ANKFY1: variants seen among roughly 807,000 people sequenced by gnomAD.
ANKFY1 encodes ankyrin repeat and FYVE domain-containing protein 1.
Under a neutral mutation model 128.3 loss-of-function variants are expected in ANKFY1, and 47 were observed. The ratio of observed to expected loss-of-function variants is 0.37; its 90% CI spans 0.29 to 0.47. ANKFY1 has a LOEUF of 0.47. Ranked by LOEUF, ANKFY1 falls within the 20% of genes least tolerant of loss-of-function variation. The pLI, the probability that ANKFY1 is intolerant of heterozygous loss-of-function variation, is 1.00. For missense variants in ANKFY1, 1,222 were observed against 1,510.6 expected, an observed-to-expected ratio of 0.81 and a Z score of 3.17; for synonymous variants, 553 against 601.6, an observed-to-expected ratio of 0.92 and a Z score of 1.18.
intron 10 of ANKFY1, among the ~76,000 whole-genome samples, chr17:4,190,673 C>T (rs1400210812): frequency 6.6e-6 from 1 of 152,094 alleles, no homozygotes; most frequent in East Asian, 1.9e-4. Flanking sequence ...TAAATAAAAA[C>T]CTTGGAAAGA....
At chr17:4,195,686 C>T (rs1329147374) in intron 8 of ANKFY1, among the ~76,000 whole-genome samples, 1 of 152,122 alleles carries the variant, frequency 6.6e-6, no homozygotes, top group East Asian at 1.9e-4. Flanking sequence ...AGAATCAGCT[C>T]AAGGAAGTGA....
intron 7 of ANKFY1, among the ~76,000 whole-genome samples, chr17:4,199,879 C>T (rs1314422404): frequency 1.3e-5 from 2 of 152,058 alleles, no homozygotes; most frequent in Non-Finnish European, 2.9e-5. Flanking sequence ...ACGCAAACAC[C>T]ATGTATATAT....
chr17:4,208,123 G>A, intron 5 of ANKFY1, 41 bp from the exon 6 acceptor site: 3 of 1,551,258 alleles, frequency 1.9e-6, no homozygotes, highest in Admixed American at 3.9e-5. Flanking sequence ...ACAGACACAA[G>A]GCAATGAATC....
chr17:4,181,503 T>TA lies in ANKFY1; in HGVS notation c.2122-132dup. ...ATACGGTTGATAATAAATTGATAAT[T>TA]ACTTTAATCTGTATCACTCATTATT... On this transcript the variant is annotated intron_variant, in intron 15 of 24. Transcript: ENST00000341657. The surrounding 1 kb of genome is among the most constrained non-coding windows in gnomAD (Gnocchi z 4.9). The TA allele has an allele frequency of 3.0e-6, 2 of 673,086 alleles. No homozygotes were observed. The highest frequency in any genetic ancestry group is 3.6e-5 in the South Asian group (2 of 55,534). 41.7% of individuals were successfully genotyped at this position (673,086 alleles called of 1,614,324 possible). A position where few individuals can be genotyped will look rare whatever the true frequency, so the allele number is the denominator to read the frequency against.
chr17:4,195,210 C>A, intron 9 of ANKFY1, 33 bp from the exon 10 acceptor site: 1 of 1,570,828 alleles, frequency 6.4e-7, no homozygotes, highest in South Asian at 1.2e-5. Context: ...ACAGCACATA[C>A]AATCTTTTTG....
In ANKFY1 at chr17:4,185,006, G is replaced by A. The variant is rs1427076553; in HGVS notation, c.1511C>T (p.Ala504Val). The A allele has an allele frequency of 1.2e-6, 2 of 1,613,600 alleles. No homozygotes were observed. Among genetic ancestry groups the A allele is most frequent in the Non-Finnish European group, 1.7e-6 (2 of 1,179,970 alleles). ...PLHTACRHGL[A>V]NLTAELLQQG... is the part of the protein sequence containing the mutation. ...CTGCAGGAGCTCTGCCGTGAGGTTG[G>A]CCAGGCCATGCCGACACGCTGTGTG... is the stretch of plus-strand genomic sequence containing the variant. The change falls in exon 12 of 25, where the codon GCC (alanine) becomes GTC (valine). Residue 504 changes from alanine to valine, a missense_variant. By Grantham distance (64) the Ala-to-Val change is moderately conservative (BLOSUM62 0). Transcript: ENST00000341657.
intron 21 of ANKFY1, 152 bp downstream of exon 21, chr17:4,173,202 A>G (rs2143000682): frequency 1.5e-6 from 1 of 669,422 alleles, no homozygotes; most frequent in African/African-American, 1.8e-5. Flanking sequence ...TACCGGTACC[A>G]AAAGTACCAA....
At position 4,206,430 on chromosome 17, in the gene ANKFY1, G is replaced by A; in HGVS notation, c.789C>T (p.Ala263=). The part of the protein sequence containing the change: ...DHNGDLALDL[A]LSRRLESIAT... ...CAATACTCTCCAGTCGTCGTGAGAG[G>A]GCTAGATCTAATGCCAGATCTCCGT... Residue 263 remains alanine, a synonymous_variant, in exon 7 of 25, where the codon GCC becomes GCT. Coordinates refer to ENST00000341657, the MANE Select transcript of ANKFY1 (RefSeq NM_001330063.2). 6.2e-7 allele frequency: 1 copy of A among 1,614,052 alleles called. No individual in the cohort carries two copies. The highest frequency in any genetic ancestry group is 8.5e-7 in the Non-Finnish European group (1 of 1,179,984).
intron 1 of ANKFY1, among the ~76,000 whole-genome samples, chr17:4,259,566 G>A (rs1426786576): frequency 6.6e-6 from 1 of 152,236 alleles, no homozygotes; most frequent in African/African-American, 2.4e-5. Flanking sequence ...ACAGGCGTGA[G>A]CCACCGTGCC....
At chr17:4,210,383 G>A (rs1226529618) in intron 4 of ANKFY1, among the ~76,000 whole-genome samples, 2 of 152,134 alleles carry the variant, frequency 1.3e-5, no homozygotes, top group East Asian at 1.9e-4. Flanking sequence ...TTTCAAATAC[G>A]AGGCTCTATG....
At chr17:4,208,155 C>A (rs2060060161) in intron 5 of ANKFY1, 73 bp from the exon 6 acceptor site, 6 of 1,447,698 alleles carry the variant, frequency 4.1e-6, no homozygotes, top group East Asian at 2.5e-5. Context: ...TAGCAAGCCT[C>A]TCAAATGCAT....
At chr17:4,172,832 C>A in intron 21 of ANKFY1, 152 bp from the exon 22 acceptor site, 1 of 1,153,094 alleles carries the variant, frequency 8.7e-7, no homozygotes, top group South Asian at 1.6e-5. Context: ...TTGTATTTTA[C>A]TGTAACCTAA....
intron 11 of ANKFY1, 71 bp downstream of exon 11, chr17:4,189,311 C>A: frequency 7.5e-7 from 1 of 1,330,864 alleles, no homozygotes. Context: ...TCCCCTTTTT[C>A]CTACATATCC....
In ANKFY1 at chr17:4,246,276, C is replaced by G. The variant is rs148162530; in HGVS notation, c.11-3828G>C. Among the ~76,000 whole-genome samples, 393 of 152,220 alleles carry G rather than the reference C, an allele frequency of 2.6e-3. 2 individuals are homozygous for G. Among genetic ancestry groups the G allele is most frequent in the South Asian group, 8.7e-3 (42 of 4,828 alleles). ...CTGTATTTGTTTGTAGCATACTGGA[C>G]CCAGAAAATGCAAGAGAAGGTTTCG... On this transcript the variant is annotated intron_variant, in intron 1 of 24. Coordinates refer to ENST00000341657, the MANE Select transcript of ANKFY1 (RefSeq NM_001330063.2).
intron 7 of ANKFY1, among the ~76,000 whole-genome samples, chr17:4,201,486 T>TCC (rs1567937982): frequency 1.0e-4 from 1 of 9,790 alleles, no homozygotes; most frequent in African/African-American, 1.1e-4. Context: ...CTGATTTTTT[T>TCC]TTTTTTTTTT....
chr17:4,237,215 T>C (rs1233731395), intron 2 of ANKFY1, among the ~76,000 whole-genome samples: 2 of 152,152 alleles, frequency 1.3e-5, no homozygotes, highest in Non-Finnish European at 2.9e-5. Context: ...TACAAGAGTA[T>C]TGTCTAGAAT....
chr17:4,253,468 C>A (rs1419898637), intron 1 of ANKFY1, among the ~76,000 whole-genome samples: 1 of 152,164 alleles, frequency 6.6e-6, no homozygotes, highest in Non-Finnish European at 1.5e-5. Context: ...TAACAACAAA[C>A]TCCTTCCTCT....
chr17:4,212,819 G>A (rs2060156776), intron 4 of ANKFY1, among the ~76,000 whole-genome samples: 1 of 147,044 alleles, frequency 6.8e-6, no homozygotes, highest in African/African-American at 2.5e-5. Context: ...TCGCCAGGCT[G>A]GAGTGCAGTG....
rs966391422 is a variant in ANKFY1, at chr17:4,164,169, C to T, written c.*3610G>A. 6.6e-6 allele frequency: 1 copy of T among 152,574 alleles called. No individual in the cohort carries two copies. The highest frequency in any genetic ancestry group is 2.4e-5 in the African/African-American group (1 of 41,464). The allele number at this position is 152,574 out of a possible 1,614,324, so 9.5% of individuals were successfully genotyped here. On this transcript the variant is annotated 3_prime_UTR_variant, in exon 25 of 25. Transcript: ENST00000341657. ...AGGGATGTCGTAACAGCCAACTCCA[C>T]ACATCTGCCAAAAAAGAGCAAGTCA...
Sources: allele counts gnomAD v4.1 joint callset (sites outside exome capture counted in the v4.1 genomes callset), GRCh38; gene constraint gnomAD v4.1.1; non-coding constraint Gnocchi (gnomAD v3.1); transcripts MANE v1.5; gene names NCBI Gene and HGNC (gene_info 2026-07-23, HGNC 2026-07-21).